The following TRIM11 variants were observed in gnomAD, a reference collection of about 807,000 sequenced individuals.
TRIM11 encodes tripartite motif containing 11.
Under a neutral mutation model 33.4 loss-of-function variants are expected in TRIM11, and 15 were observed. The observed-to-expected ratio is 0.45, with a 90% CI of 0.30 to 0.69. The LOEUF is 0.69. Ranked by LOEUF, TRIM11 falls within the 30% of genes least tolerant of loss-of-function variation. TRIM11 has a pLI of 0.08. For synonymous variants in TRIM11, 281 were observed against 302.6 expected (o/e 0.93, Z 0.74); for missense variants, 499 against 667.6 (o/e 0.75, Z 2.78).
rs1258615535 is a variant in TRIM11 at position 228,406,469 on chromosome 1, G to A, written c.93C>T (p.Cys31=). 2 of 1,591,886 alleles carry A rather than the reference G, an allele frequency of 1.3e-6. No individual in the cohort carries two copies. The highest frequency in any genetic ancestry group is 2.3e-5 in the South Asian group (2 of 88,762). ...TGCACTCGCGGCAGAAGTTGTGGCC[G>A]CAGTCGGTCATCACCGGATCCGTGA... ...DYFTDPVMTD[C]GHNFCRECIR... is the part of the protein sequence containing the mutation. Residue 31 remains cysteine, a synonymous_variant, in exon 1 of 6, where the codon TGC becomes TGT. Coordinates refer to ENST00000284551, the MANE Select transcript of TRIM11 (RefSeq NM_145214.3). The surrounding 1 kb of genome is among the most constrained non-coding windows in gnomAD (Gnocchi z 8.2).
chr1:228,400,267 T>C lies in TRIM11; in HGVS notation c.735+697A>G, dbSNP rs964214579. ...CCCACGGGAAGATGATAGCAGACAC[T>C]CCCAGCCCACACGGGGCCTCTCAGC... is the stretch of plus-strand genomic sequence containing the variant. On this transcript the variant is annotated intron_variant, in intron 3 of 5. Transcript: ENST00000284551. The surrounding 1 kb of genome is among the most constrained non-coding windows in gnomAD (Gnocchi z 4.5). 6.6e-6 allele frequency among the ~76,000 whole-genome samples: 1 copy of C among 152,174 alleles called. No individual in the cohort carries two copies. Among genetic ancestry groups the C allele is most frequent in the Non-Finnish European group, 1.5e-5 (1 of 68,026 alleles).
In TRIM11 at chr1:228,395,380, C is replaced by T; in HGVS notation, c.860-128G>A. 1 of 959,762 alleles carries T rather than the reference C, an allele frequency of 1.0e-6. No individual in the cohort carries two copies. The highest frequency in any genetic ancestry group is 1.4e-6 in the Non-Finnish European group (1 of 715,246). The allele number at this position is 959,762 out of a possible 1,614,324, so 59.5% of individuals were successfully genotyped here. A position where few individuals can be genotyped will look rare whatever the true frequency, so the allele number is the denominator to read the frequency against. ...CTGGCTCTCTGCCCTGGGCCTGTAG[C>T]CTCACAACCTCCTGGAGTAACTAAC... On this transcript the variant is annotated intron_variant, in intron 5 of 5. Coordinates refer to ENST00000284551, the MANE Select transcript of TRIM11 (RefSeq NM_145214.3). The surrounding 1 kb of genome is among the most constrained non-coding windows in gnomAD (Gnocchi z 4.8).
rs1656134549 is a variant in TRIM11, at chr1:228,400,149, C to T, written c.735+815G>A. On this transcript the variant is annotated intron_variant, in intron 3 of 5. Transcript: ENST00000284551. This position sits in a 1 kb window ranked among gnomAD's most constrained non-coding sequence, Gnocchi z 4.5. ...GTGGGAGCCAGAATTGCCCAGGGGC[C>T]CATTTCCCTCTGAATCTTGGGGCCC... is the stretch of plus-strand genomic sequence containing the variant. Among the ~76,000 whole-genome samples the T allele has an allele frequency of 1.3e-5, 2 of 152,208 alleles. No homozygotes were observed. Among genetic ancestry groups the T allele is most frequent in the African/African-American group, 4.8e-5 (2 of 41,452 alleles).
At position 228,406,787 on chromosome 1, in the gene TRIM11, GA is replaced by G. The variant is rs971216763; in HGVS notation, c.-227del. On this transcript the variant is annotated 5_prime_UTR_variant, in exon 1 of 6. Transcript: ENST00000284551. This position sits in a 1 kb window ranked among gnomAD's most constrained non-coding sequence, Gnocchi z 8.2. ...GCGCGTAGGCTCCGAGCGCTCGGGG[GA>G]CGCGGGACGTAGGGATCCCGGATGC... 33 of 376,398 alleles carry G rather than the reference GA, an allele frequency of 8.8e-5. No individual in the cohort carries two copies. The highest frequency in any genetic ancestry group is 7.0e-4 in the African/African-American group (33 of 47,388). The allele number at this position is 376,398 out of a possible 1,614,324, so 23.3% of individuals were successfully genotyped here. A position where few individuals can be genotyped will look rare whatever the true frequency, so the allele number is the denominator to read the frequency against.
In TRIM11 at chr1:228,406,460, G is replaced by T; in HGVS notation, c.102C>A (p.Asn34Lys). ...TDPVMTDCGHNFCRECIRRCW... is the reference protein window; with the variant it reads ...TDPVMTDCGHKFCRECIRRCW... ...AGCGCCGGATGCACTCGCGGCAGAA[G>T]TTGTGGCCGCAGTCGGTCATCACCG... Residue 34 changes from asparagine (N) to lysine (K), a missense_variant, in exon 1 of 6, where the codon AAC becomes AAA. Physicochemically the swap from Asn to Lys is moderately conservative, Grantham distance 94. Transcript: ENST00000284551. This position sits in a 1 kb window ranked among gnomAD's most constrained non-coding sequence, Gnocchi z 8.2. The T allele has an allele frequency of 6.3e-7, 1 of 1,592,284 alleles. No homozygotes were observed.
rs748095109 is a variant in TRIM11 at position 228,397,008 on chromosome 1, A to C, written c.798T>G (p.Pro266=). 9 of 1,614,026 alleles carry C rather than the reference A, an allele frequency of 5.6e-6. No homozygotes were observed. In the South Asian group the frequency reaches 9.9e-5, roughly 18 times the overall value. ...DVKLQPPEVV[P]MELRTVCRVP... is the part of the protein sequence containing the mutation. ...CCCTGCACACGGTCCTCAGCTCCAT[A>C]GGCACAACTTCTGGGGGCTGCAGCT... The change falls in exon 5 of 6, where the codon CCT becomes CCG. Residue 266 remains proline, a synonymous_variant. Coordinates refer to ENST00000284551, the MANE Select transcript of TRIM11 (RefSeq NM_145214.3).
chr1:228,396,434 C>T (rs1025711211), intron 5 of TRIM11: 1 of 555,226 alleles, frequency 1.8e-6, no homozygotes, highest in Admixed American at 3.2e-5. Flanking sequence ...AGCCCTTCCC[C>T]AGGCTTTGCC....
chr1:228,394,859 T>C lies in TRIM11; in HGVS notation c.1253A>G (p.Tyr418Cys). 2 of 1,613,446 alleles carry C rather than the reference T, an allele frequency of 1.2e-6. No individual in the cohort carries two copies. The highest frequency in any genetic ancestry group is 1.7e-6 in the Non-Finnish European group (2 of 1,179,854). ...TAGCAGTGACCCATCGGTGGCACTG[T>C]AGAAAGAGAGATGTCCAGCCTCGTA... ...LDYEAGHLSF[Y>C]SATDGSLLFI... The change falls in exon 6 of 6, where the codon TAC (tyrosine) becomes TGC (cysteine). Residue 418 changes from tyrosine (Y) to cysteine (C), a missense_variant. Tyr to Cys is a radical substitution (Grantham distance 194, BLOSUM62 -2). Transcript: ENST00000284551. The surrounding 1 kb of genome is among the most constrained non-coding windows in gnomAD (Gnocchi z 6.2).
intron 5 of TRIM11, 138 bp downstream of exon 5, chr1:228,396,808 GT>G (rs1411235513): frequency 1.2e-6 from 1 of 804,552 alleles, no homozygotes; most frequent in Admixed American, 1.9e-5. Context: ...AGCAGAGGAC[GT>G]TTTCCCAACA....
Position 228,394,693 on chromosome 1 carries a change from G to A in TRIM11, c.*12C>T, listed in dbSNP as rs904175017. ...CAGGAGAGGCAACAGGACTCCTCCAGGAGGGCCCGAGTCACTGGGGAGCCA... is the reference window on the plus strand; with the variant it reads ...CAGGAGAGGCAACAGGACTCCTCCAAGAGGGCCCGAGTCACTGGGGAGCCA... On this transcript the variant is annotated 3_prime_UTR_variant, in exon 6 of 6. Transcript: ENST00000284551. This position sits in a 1 kb window ranked among gnomAD's most constrained non-coding sequence, Gnocchi z 6.2. The A allele has an allele frequency of 6.3e-7, 1 of 1,583,318 alleles. No individual in the cohort carries two copies. The highest frequency in any genetic ancestry group is 1.3e-5 in the African/African-American group (1 of 74,214).
chr1:228,406,719 C>A lies in TRIM11; in HGVS notation c.-158G>T. The A allele has an allele frequency of 1.6e-6, 1 of 637,098 alleles. No individual in the cohort carries two copies. Among genetic ancestry groups the A allele is most frequent in the Non-Finnish European group, 2.3e-6 (1 of 441,182 alleles). 39.5% of individuals were successfully genotyped at this position (637,098 alleles called of 1,614,324 possible). A position where few individuals can be genotyped will look rare whatever the true frequency, so the allele number is the denominator to read the frequency against. On this transcript the variant is annotated 5_prime_UTR_variant, in exon 1 of 6. Coordinates refer to ENST00000284551, the MANE Select transcript of TRIM11 (RefSeq NM_145214.3). The surrounding 1 kb of genome is among the most constrained non-coding windows in gnomAD (Gnocchi z 8.2). Reference sequence around the variant, plus strand: ...TCCCGGGTGCTCGGGCTCCGGGGCGCGGGGACTCCAGGGCGCAGGACTCTG... The same window carrying A: ...TCCCGGGTGCTCGGGCTCCGGGGCGAGGGGACTCCAGGGCGCAGGACTCTG...
rs1047034023 is a variant in TRIM11 at position 228,400,429 on chromosome 1, G to C, written c.735+535C>G. ...TTGGGGGTGCACCAAGGAAAGCCCA[G>C]GCCCAGGGGGCCGGCTCAGGGAGTG... On this transcript the variant is annotated intron_variant, in intron 3 of 5. Transcript: ENST00000284551. The surrounding 1 kb of genome is among the most constrained non-coding windows in gnomAD (Gnocchi z 4.5). 6.6e-6 allele frequency among the ~76,000 whole-genome samples: 1 copy of C among 152,200 alleles called. No individual in the cohort carries two copies. The highest frequency in any genetic ancestry group is 2.4e-5 in the African/African-American group (1 of 41,448).
In TRIM11 at chr1:228,399,891, CAAAAAAA is replaced by C. The variant is rs58986540; in HGVS notation, c.735+1066_735+1072del. 4.3e-5 allele frequency among the ~76,000 whole-genome samples: 4 copies of C among 92,758 alleles called. No homozygotes were observed. In the Admixed American group the frequency reaches 4.3e-4, roughly 10 times the overall value. The allele number at this position is 92,758 out of a possible 152,430, so 60.9% of individuals were successfully genotyped here. On this transcript the variant is annotated intron_variant, in intron 3 of 5. Coordinates refer to ENST00000284551, the MANE Select transcript of TRIM11 (RefSeq NM_145214.3). ...CCCCTTAAATCTACAAAAAAAAAAA[CAAAAAAA>C]AAAAAACAAAAAACAAAAAAACAGA...
rs1656182599 is a variant in TRIM11 at position 228,400,813 on chromosome 1, A to G, written c.735+151T>C. On this transcript the variant is annotated intron_variant, in intron 3 of 5. Transcript: ENST00000284551. The surrounding 1 kb of genome is among the most constrained non-coding windows in gnomAD (Gnocchi z 4.5). ...TCCTGCTGCTGACTCAGCATTTCAC[A>G]GGCAACAGCCAGGCACATCCAGCCA... The G allele has an allele frequency of 7.2e-7, 1 of 1,392,594 alleles. No individual in the cohort carries two copies. The highest frequency in any genetic ancestry group is 9.4e-7 in the Non-Finnish European group (1 of 1,068,976). 86.3% of individuals were successfully genotyped at this position (1,392,594 alleles called of 1,614,324 possible).
rs1475878931 is a variant in TRIM11, at chr1:228,403,831, T to G, written c.409-1670A>C. The G allele has an allele frequency of 6.6e-6, 1 of 152,238 alleles. No homozygotes were observed. Among genetic ancestry groups the G allele is most frequent in the Non-Finnish European group, 1.5e-5 (1 of 68,082 alleles). 9.4% of individuals were successfully genotyped at this position (152,238 alleles called of 1,614,324 possible). ...CACCACACCCAGCTAATTTTTGTATTTTTTGTACAGATGGGATTTCACCAT... is the reference window on the plus strand; with the variant it reads ...CACCACACCCAGCTAATTTTTGTATGTTTTGTACAGATGGGATTTCACCAT... On this transcript the variant is annotated intron_variant, in intron 1 of 5. Coordinates refer to ENST00000284551, the MANE Select transcript of TRIM11 (RefSeq NM_145214.3). The surrounding 1 kb of genome is among the most constrained non-coding windows in gnomAD (Gnocchi z 4.8).
In TRIM11 at chr1:228,402,192, C is replaced by T. The variant is rs1046770016; in HGVS notation, c.409-31G>A. On this transcript the variant is annotated intron_variant, in intron 1 of 5. Transcript: ENST00000284551. Reference sequence around the variant, plus strand: ...GGAGAGGCCAGGCAGGACCATGAGACATGAGTCCTGTCACAGAAGCCTGCC... The same window carrying T: ...GGAGAGGCCAGGCAGGACCATGAGATATGAGTCCTGTCACAGAAGCCTGCC... 1.9e-6 allele frequency: 3 copies of T among 1,567,198 alleles called. No homozygotes were observed. The African/African-American group carries it at 4.1e-5, about 21-fold the overall frequency.
chr1:228,396,040 C>T (rs1349355158), intron 5 of TRIM11: 1 of 152,694 alleles, frequency 6.5e-6, no homozygotes, highest in Non-Finnish European at 1.5e-5. Flanking sequence ...GTTCCTGGCG[C>T]AGAGCTCACA....
Position 228,403,332 on chromosome 1 carries a change from C to T in TRIM11, c.409-1171G>A, listed in dbSNP as rs1427511951. On this transcript the variant is annotated intron_variant, in intron 1 of 5. Transcript: ENST00000284551. This position sits in a 1 kb window ranked among gnomAD's most constrained non-coding sequence, Gnocchi z 4.8. The stretch of plus-strand genomic sequence containing the variant: ...GGAGGTGCTGGGAGGGTCCAGAAGT[C>T]TGCCCCGGTAGCAGAGCCAGGACTT... The T allele has an allele frequency of 1.3e-5, 2 of 152,286 alleles. No individual in the cohort carries two copies. Among genetic ancestry groups the T allele is most frequent in the African/African-American group, 4.8e-5 (2 of 41,468 alleles). 9.4% of individuals were successfully genotyped at this position (152,286 alleles called of 1,614,324 possible).
intron 5 of TRIM11, chr1:228,396,525 G>A: frequency 3.3e-6 from 2 of 606,950 alleles, no homozygotes; most frequent in Non-Finnish European, 3.0e-6. Flanking sequence ...GCTCTTCTGA[G>A]TTCCATGGGC....
Sources: allele counts gnomAD v4.1 joint callset (sites outside exome capture counted in the v4.1 genomes callset), GRCh38; gene constraint gnomAD v4.1.1; non-coding constraint Gnocchi (gnomAD v3.1); transcripts MANE v1.5; gene names NCBI Gene and HGNC (gene_info 2026-07-23, HGNC 2026-07-21).